The following MEGF10 variants were observed in gnomAD, a reference collection of about 807,000 sequenced individuals.
MEGF10 encodes the protein multiple epidermal growth factor-like domains protein 10.
MEGF10 carries 86 observed loss-of-function variants against 147.5 expected under a neutral mutation model. The ratio of observed to expected loss-of-function variants is 0.58; its 90% confidence interval spans 0.49 to 0.70. The LOEUF (loss-of-function observed/expected upper bound fraction) is 0.70, where lower values mean the gene tolerates loss of function less well. Among genes scored for constraint, MEGF10 ranks in the 30% least tolerant of loss-of-function variants. The pLI is 0.00. For missense variants in MEGF10, 1,329 were observed against 1,487.3 expected (o/e 0.89, Z 1.75); for synonymous variants, 478 against 525.5 (o/e 0.91, Z 1.24).
chr5:127,440,262 T>A (rs1166255999), intron 17 of MEGF10, among the ~76,000 whole-genome samples: 1 of 152,178 alleles, frequency 6.6e-6, no homozygotes, highest in East Asian at 1.9e-4. Flanking sequence ...GTTGATATTA[T>A]CTAAGATAAT....
At chr5:127,305,679 G>GA (rs1274202517) in intron 1 of MEGF10, among the ~76,000 whole-genome samples, 1 of 151,862 alleles carries the variant, frequency 6.6e-6, no homozygotes, top group South Asian at 2.1e-4. Context: ...GCTAGGGCTG[G>GA]AAAAAAAAGT....
chr5:127,287,163 G>C (rs1434671438), upstream of MEGF10, among the ~76,000 whole-genome samples: 1 of 151,970 alleles, frequency 6.6e-6, no homozygotes, highest in East Asian at 1.9e-4. Context: ...GGAGTTTAAT[G>C]AAACTTACAA....
At chr5:127,292,175 A>G (rs1036522826) in intron 1 of MEGF10, among the ~76,000 whole-genome samples, 1 of 152,170 alleles carries the variant, frequency 6.6e-6, no homozygotes, top group Non-Finnish European at 1.5e-5. Flanking sequence ...TAATTTTACC[A>G]CTGAGAGTTC....
rs1580668720 is a variant in MEGF10 at position 127,292,189 on chromosome 5, G to C, written c.-19+1133G>C. On this transcript the variant is annotated intron_variant, in intron 1 of 24. Coordinates refer to ENST00000503335, the MANE Select transcript of MEGF10 (RefSeq NM_001256545.2). ...TTAATTTTACCACTGAGAGTTCAAA[G>C]AGTTCAGTTGGTAAACTCTGGGCAC... Among the ~76,000 whole-genome samples the C allele has an allele frequency of 2.0e-5, 3 of 152,270 alleles. 1 individual carries two copies.
the MEGF10 span, among the ~76,000 whole-genome samples, chr5:127,273,560 C>T: frequency 3.3e-5 from 5 of 152,196 alleles, no homozygotes; most frequent in African/African-American, 1.2e-4. Flanking sequence ...ATACAGACTG[C>T]AGAATAACTG....
intron 19 of MEGF10, 55 bp downstream of exon 19, chr5:127,443,181 C>T: frequency 2.0e-6 from 3 of 1,505,786 alleles, no homozygotes; most frequent in South Asian, 1.4e-5. Flanking sequence ...ACACCATGTA[C>T]CAGGCAATGT....
the MEGF10 span, among the ~76,000 whole-genome samples, chr5:127,271,588 T>C: frequency 1.3e-5 from 2 of 152,086 alleles, no homozygotes; most frequent in African/African-American, 4.8e-5. Flanking sequence ...AATCCCCATG[T>C]GTCATGGGAG....
At chr5:127,323,698 T>G (rs1760884658) in intron 1 of MEGF10, among the ~76,000 whole-genome samples, 1 of 152,248 alleles carries the variant, frequency 6.6e-6, no homozygotes, top group Non-Finnish European at 1.5e-5. Flanking sequence ...AAAGATTTAT[T>G]ACTCACAGTT....
At chr5:127,259,076 A>C in the MEGF10 span, among the ~76,000 whole-genome samples, 2 of 152,308 alleles carry the variant, frequency 1.3e-5, no homozygotes, top group South Asian at 4.1e-4. Flanking sequence ...TACATTTATG[A>C]GATGATCTGA....
chr5:127,362,752 C>T lies in MEGF10; in HGVS notation c.320-7158C>T, dbSNP rs552351285. ...CATTTTTAATCCAATCTGTTAATAT[C>T]TGTCTTTTAATTTAGATATTAGACC... is the stretch of plus-strand genomic sequence containing the variant. On this transcript the variant is annotated intron_variant, in intron 4 of 24. Transcript: ENST00000503335. Among the ~76,000 whole-genome samples, 16 of 152,186 alleles carry T rather than the reference C, an allele frequency of 1.1e-4. No individual in the cohort carries two copies. The South Asian group carries it at 3.3e-3, about 32-fold the overall frequency.
At chr5:127,304,879 C>T (rs961344555) in intron 1 of MEGF10, among the ~76,000 whole-genome samples, 1 of 152,290 alleles carries the variant, frequency 6.6e-6, no homozygotes, top group Non-Finnish European at 1.5e-5. Flanking sequence ...TTACCAGAAA[C>T]CAAATTGGCT....
At position 127,457,569 on chromosome 5, in the gene MEGF10, T is replaced by G. The variant is rs1278283136; in HGVS notation, c.*251T>G. 1.1e-5 allele frequency: 5 copies of G among 445,794 alleles called. No individual in the cohort carries two copies. The highest frequency in any genetic ancestry group is 9.8e-5 in the African/African-American group (5 of 50,984). The allele number at this position is 445,794 out of a possible 1,614,324, so 27.6% of individuals were successfully genotyped here. ...TAGAACTATACCCGTGAAGCATGAC[T>G]TATTGTAAGATGTTGGCTGAAAGCA... On this transcript the variant is annotated 3_prime_UTR_variant, in exon 25 of 25. Coordinates refer to ENST00000503335, the MANE Select transcript of MEGF10 (RefSeq NM_001256545.2).
At chr5:127,404,138 A>T (rs772326185) in intron 8 of MEGF10, among the ~76,000 whole-genome samples, 175 of 152,080 alleles carry the variant, frequency 1.2e-3, no homozygotes, top group Non-Finnish European at 8.8e-4. Context: ...AGCCATTTTT[A>T]ACTGGCTTGA....
At chr5:127,310,042 CTTTATTT>C (rs1760219098) in intron 1 of MEGF10, among the ~76,000 whole-genome samples, 2 of 87,150 alleles carry the variant, frequency 2.3e-5, no homozygotes, top group African/African-American at 1.1e-4. Flanking sequence ...TTCCTTCTTT[CTTTATTT>C]CTTTCTTTCT....
Position 127,447,569 on chromosome 5 carries a change from A to G in MEGF10, c.2741A>G (p.His914Arg), listed in dbSNP as rs1765994377. 1.5e-5 allele frequency: 24 copies of G among 1,613,888 alleles called. No individual in the cohort carries two copies. The highest frequency in any genetic ancestry group is 1.9e-5 in the Non-Finnish European group (22 of 1,179,958). Residue 914 changes from histidine (H) to arginine (R), a missense_variant, in exon 21 of 25, where the codon CAC (histidine) becomes CGC (arginine). By Grantham distance (29) the His-to-Arg change is conservative (BLOSUM62 0). Coordinates refer to ENST00000503335, the MANE Select transcript of MEGF10 (RefSeq NM_001256545.2). ...TCCCTTCTTGCAGGAACCCTTCCTC[A>G]CAGCAATGGTGGAAACGCTAATAGC... ...ADYTISGTLP[H>R]SNGGNANSHY...
chr5:127,414,810 G>A (rs1764698104), intron 9 of MEGF10, among the ~76,000 whole-genome samples: 1 of 152,152 alleles, frequency 6.6e-6, no homozygotes, highest in Admixed American at 6.6e-5. Flanking sequence ...AACTCACAGT[G>A]TAGAAGAGAA....
chr5:127,431,011 A>G (rs1363535852), intron 13 of MEGF10, among the ~76,000 whole-genome samples: 1 of 152,246 alleles, frequency 6.6e-6, no homozygotes, highest in Non-Finnish European at 1.5e-5. Flanking sequence ...TGGACACAGA[A>G]GGTTTGATCA....
At chr5:127,310,132 C>T (rs1301310793) in intron 1 of MEGF10, among the ~76,000 whole-genome samples, 1 of 149,826 alleles carries the variant, frequency 6.7e-6, no homozygotes, top group African/African-American at 2.5e-5. Context: ...GTGAAGTTAT[C>T]GCATTGTGGT....
chr5:127,273,251 G>T, the MEGF10 span, among the ~76,000 whole-genome samples: 4 of 152,230 alleles, frequency 2.6e-5, no homozygotes, highest in African/African-American at 9.6e-5. Context: ...TGGTTTCCCA[G>T]GGTGGTGCAT....
Sources: allele counts gnomAD v4.1 joint callset (sites outside exome capture counted in the v4.1 genomes callset), GRCh38; gene constraint gnomAD v4.1.1; transcripts MANE v1.5; gene names NCBI Gene and HGNC (gene_info 2026-07-23, HGNC 2026-07-21).